ENTREP2: variants seen among roughly 807,000 people sequenced by gnomAD.
ENTREP2 encodes endosomal transmembrane epsin interactor 2.
At chr15:29,536,052 C>G in the ENTREP2 span, among the ~76,000 whole-genome samples, 1 of 152,084 alleles carries the variant, frequency 6.6e-6, no homozygotes. Context: ...GATCCTTTTC[C>G]CATGTGACTC....
At chr15:29,124,323 C>T in the ENTREP2 span, among the ~76,000 whole-genome samples, 1 of 152,206 alleles carries the variant, frequency 6.6e-6, no homozygotes, top group Non-Finnish European at 1.5e-5. Context: ...CTGAGCTTCA[C>T]GCCACACAAA....
chr15:29,655,572 A>T, the ENTREP2 span, among the ~76,000 whole-genome samples: 1 of 152,224 alleles, frequency 6.6e-6, no homozygotes, highest in Non-Finnish European at 1.5e-5. Context: ...ATATCACTGG[A>T]TGTTGGAACT....
the ENTREP2 span, chr15:29,269,927 G>C: frequency 2.1e-6 from 1 of 485,488 alleles, no homozygotes; most frequent in African/African-American, 2.0e-5. Flanking sequence ...GTGCAGCCCT[G>C]CAGGTCCGGG....
the ENTREP2 span, among the ~76,000 whole-genome samples, chr15:29,651,216 T>C: frequency 1.3e-5 from 2 of 152,232 alleles, no homozygotes; most frequent in African/African-American, 4.8e-5. Context: ...CAGGCAGACC[T>C]AGCTAAATAC....
At chr15:29,600,442 T>C in the ENTREP2 span, among the ~76,000 whole-genome samples, 113 of 123,050 alleles carry the variant, frequency 9.2e-4, 2 homozygotes, top group South Asian at 0.018. Flanking sequence ...TCTCCCACCA[T>C]CATCATCATC....
the ENTREP2 span, among the ~76,000 whole-genome samples, chr15:29,627,684 C>T: frequency 6.6e-6 from 1 of 152,078 alleles, no homozygotes; most frequent in South Asian, 2.1e-4. Context: ...CTCTATTCTA[C>T]TGTCTGTCTA....
At chr15:29,631,365 A>C in the ENTREP2 span, among the ~76,000 whole-genome samples, 1 of 152,072 alleles carries the variant, frequency 6.6e-6, no homozygotes, top group Non-Finnish European at 1.5e-5. Flanking sequence ...ATGTTAGAAG[A>C]CTCAGGGTCT....
the ENTREP2 span, among the ~76,000 whole-genome samples, chr15:29,322,175 G>A: frequency 6.6e-6 from 1 of 151,978 alleles, no homozygotes. Flanking sequence ...TTATATATAT[G>A]TATTATGCAC....
At chr15:29,644,528 C>T in the ENTREP2 span, among the ~76,000 whole-genome samples, 12 of 152,154 alleles carry the variant, frequency 7.9e-5, no homozygotes, top group African/African-American at 1.7e-4. Flanking sequence ...CCTGGCCGGG[C>T]GCGGTGGCCC....
chr15:29,141,724 C>G, the ENTREP2 span, among the ~76,000 whole-genome samples: 5 of 152,246 alleles, frequency 3.3e-5, no homozygotes, highest in Non-Finnish European at 7.3e-5. Context: ...CTCCCTCTGC[C>G]TTCCTTAGAC....
At chr15:29,349,922 AT>A in the ENTREP2 span, among the ~76,000 whole-genome samples, 1 of 152,098 alleles carries the variant, frequency 6.6e-6, no homozygotes, top group Admixed American at 6.5e-5. Flanking sequence ...ATAAATAAAA[AT>A]AATAATTAAT....
At chr15:29,375,431 T>G in the ENTREP2 span, 1 of 152,392 alleles carries the variant, frequency 6.6e-6, no homozygotes, top group Non-Finnish European at 1.5e-5. Flanking sequence ...CTTTCCTCTC[T>G]GGCACTTTGT....
chr15:29,348,728 G>A, the ENTREP2 span, among the ~76,000 whole-genome samples: 1 of 152,184 alleles, frequency 6.6e-6, no homozygotes, highest in African/African-American at 2.4e-5. Context: ...ATGGCCAAAG[G>A]CCATAAAGAA....
At chr15:29,569,123 GA>G in the ENTREP2 span, among the ~76,000 whole-genome samples, 2 of 152,182 alleles carry the variant, frequency 1.3e-5, no homozygotes, top group African/African-American at 4.8e-5. Context: ...ACTATATAGA[GA>G]GGGGCATTTA....
the ENTREP2 span, among the ~76,000 whole-genome samples, chr15:29,459,900 CATTAAAAGTTATCA>C: frequency 6.6e-6 from 1 of 152,166 alleles, no homozygotes; most frequent in Non-Finnish European, 1.5e-5. Flanking sequence ...TATCATGCTT[CATTAAAAGTTATCA>C]AGTGATCTAC....
the ENTREP2 span, among the ~76,000 whole-genome samples, chr15:29,626,275 T>A: frequency 2.0e-5 from 3 of 152,238 alleles, no homozygotes; most frequent in South Asian, 6.2e-4. Context: ...CCTTGAATTG[T>A]AATAATCCCG....
At chr15:29,600,898 C>CTTTT in the ENTREP2 span, among the ~76,000 whole-genome samples, 1,459 of 125,398 alleles carry the variant, frequency 0.012, 309 homozygotes, top group African/African-American at 0.053. Flanking sequence ...TATGATTTTT[C>CTTTT]TTTCTTTTTT....
chr15:29,554,922 T>C, the ENTREP2 span, among the ~76,000 whole-genome samples: 2 of 152,236 alleles, frequency 1.3e-5, no homozygotes, highest in Non-Finnish European at 2.9e-5. Context: ...AAGTATGTTA[T>C]GACAAAAATG....
the ENTREP2 span, among the ~76,000 whole-genome samples, chr15:29,354,229 C>A: frequency 6.6e-6 from 1 of 152,176 alleles, no homozygotes; most frequent in African/African-American, 2.4e-5. Context: ...CCTTCAGACT[C>A]CAGGACTTAA....
Sources: gnomAD v4.1 joint callset for allele counts (sites outside exome capture counted in the v4.1 genomes callset) on GRCh38, gnomAD v4.1.1 for gene constraint, MANE v1.5 for transcripts, NCBI Gene and HGNC (gene_info 2026-07-23, HGNC 2026-07-21) for gene names.